Variants in DDX59 observed in about 807,000 individuals in gnomAD.
The protein encoded by DDX59 is probable ATP-dependent RNA helicase DDX59.
DDX59 carries 30 observed loss-of-function variants against 51.9 expected under a neutral mutation model. The observed-to-expected ratio is 0.58, with a 90% CI of 0.43 to 0.78. The LOEUF (loss-of-function observed/expected upper bound fraction) is 0.78. DDX59 is among the 30% of genes least tolerant of loss of function. The pLI, the probability that DDX59 is intolerant of heterozygous loss-of-function variation, is 0.00. For missense variants in DDX59, 672 were observed against 730.8 expected (o/e 0.92, Z 0.93); for synonymous variants, 255 against 253.3 (o/e 1.01, Z -0.06).
chr1:200,664,401 T>G (rs959478497), intron 2 of DDX59, among the ~76,000 whole-genome samples: 2 of 152,222 alleles, frequency 1.3e-5, no homozygotes, highest in African/African-American at 4.8e-5. Context: ...CATCCTCCCC[T>G]GAAGAGAGAA....
chr1:200,659,892 C>T (rs1316727390), intron 3 of DDX59, among the ~76,000 whole-genome samples: 1 of 152,134 alleles, frequency 6.6e-6, no homozygotes, highest in Non-Finnish European at 1.5e-5. Flanking sequence ...CTATGCTACC[C>T]AGGCTGGTCT....
In DDX59 at chr1:200,650,640, C is replaced by T; in HGVS notation, c.1099G>A (p.Val367Met). 14 of 1,613,448 alleles carry T rather than the reference C, an allele frequency of 8.7e-6. No homozygotes were observed. Among genetic ancestry groups the T allele is most frequent in the Non-Finnish European group, 1.2e-5 (14 of 1,179,602 alleles). Residue 367 changes from valine (V) to methionine (M), a missense_variant, in exon 5 of 8, where the codon GTG becomes ATG. Val to Met is a conservative substitution (Grantham distance 21). Coordinates refer to ENST00000331314, the MANE Select transcript of DDX59 (RefSeq NM_001031725.6). ...GGAATGTTTTCCAAAATGTCAAGCACTTGTTGTTGAAAACCCATCTTTAAC... is the reference window on the plus strand; with the variant it reads ...GGAATGTTTTCCAAAATGTCAAGCATTTGTTGTTGAAAACCCATCTTTAAC... ...TMLKMGFQQQ[V>M]LDILENIPND...
intron 7 of DDX59, among the ~76,000 whole-genome samples, chr1:200,647,828 G>C (rs1422790759): frequency 6.6e-6 from 1 of 151,578 alleles, no homozygotes; most frequent in Non-Finnish European, 1.5e-5. Context: ...AAAAAAATTA[G>C]CCAGGTGTGG....
chr1:200,663,492 G>T (rs1421379646), intron 3 of DDX59, among the ~76,000 whole-genome samples: 2 of 152,062 alleles, frequency 1.3e-5, no homozygotes, highest in Non-Finnish European at 2.9e-5. Context: ...TACAGACTAC[G>T]CATAACAGCA....
chr1:200,641,930 G>A (rs532437448), downstream of DDX59, among the ~76,000 whole-genome samples: 5 of 152,316 alleles, frequency 3.3e-5, no homozygotes, highest in South Asian at 1.0e-3. Flanking sequence ...TTGAACCTGG[G>A]AGGTGGAGGT....
intron 1 of DDX59, among the ~76,000 whole-genome samples, chr1:200,668,116 G>A (rs1315639707): frequency 6.6e-6 from 1 of 152,008 alleles, no homozygotes; most frequent in African/African-American, 2.4e-5. Flanking sequence ...GGCTAACACG[G>A]TGAAACCCCG....
At chr1:200,655,382 T>C (rs975381718) in intron 4 of DDX59, among the ~76,000 whole-genome samples, 7 of 152,132 alleles carry the variant, frequency 4.6e-5, no homozygotes, top group Non-Finnish European at 8.8e-5. Context: ...CCTGTCTGGA[T>C]TGCTGGCTGC....
chr1:200,665,544 C>CA (rs1662672476), intron 2 of DDX59, among the ~76,000 whole-genome samples: 1 of 151,702 alleles, frequency 6.6e-6, no homozygotes, highest in Non-Finnish European at 1.5e-5. Flanking sequence ...GTTCCAACTT[C>CA]AGTATAAATC....
At chr1:200,642,764 CATA>C (rs1391898249), downstream of DDX59, among the ~76,000 whole-genome samples, 2 of 152,202 alleles carry the variant, frequency 1.3e-5, no homozygotes, top group African/African-American at 4.8e-5. Context: ...GCTTAACTCT[CATA>C]ATAAGCCTGT....
downstream of DDX59, among the ~76,000 whole-genome samples, chr1:200,641,646 A>G (rs1661053913): frequency 6.6e-6 from 1 of 152,214 alleles, no homozygotes; most frequent in African/African-American, 2.4e-5. Context: ...AGGTGGGCGG[A>G]TCACCTGAGG....
chr1:200,665,855 T>C (rs995439142), intron 2 of DDX59, 82 bp downstream of exon 2: 17 of 1,431,900 alleles, frequency 1.2e-5, no homozygotes, highest in African/African-American at 7.2e-5. Flanking sequence ...TCTGCAATTT[T>C]AATATAGTTA....
intron 4 of DDX59, among the ~76,000 whole-genome samples, chr1:200,658,089 C>T (rs1662147768): frequency 1.3e-5 from 2 of 152,162 alleles, no homozygotes; most frequent in Admixed American, 6.5e-5. Context: ...CCATGGAAGG[C>T]AGGCTAAGAC....
At chr1:200,649,014 C>G in intron 6 of DDX59, 60 bp downstream of exon 6, 1 of 1,454,206 alleles carries the variant, frequency 6.9e-7, no homozygotes, top group Non-Finnish European at 9.1e-7. Flanking sequence ...ATGGTTATCT[C>G]TTGAAAATGA....
chr1:200,644,504 C>T lies in DDX59; in HGVS notation c.1610G>A (p.Gly537Glu). The change falls in exon 8 of 8, where the codon GGA (glycine) becomes GAA (glutamate). Residue 537 changes from glycine (G) to glutamate (E), a missense_variant. Gly to Glu is a moderately conservative substitution (Grantham distance 98). Coordinates refer to ENST00000331314, the MANE Select transcript of DDX59 (RefSeq NM_001031725.6). Reference sequence around the variant, plus strand: ...CGCTGTTCCATTTTGACCTAATCTTCCTACTCTTCCAATCTGAAATAAAAT... The same window carrying T: ...CGCTGTTCCATTTTGACCTAATCTTTCTACTCTTCCAATCTGAAATAAAAT... The part of the protein sequence containing the change: ...DEYVHQIGRV[G>E]RLGQNGTAIT... 1 of 1,580,836 alleles carries T rather than the reference C, an allele frequency of 6.3e-7. No homozygotes were observed. Among genetic ancestry groups the T allele is most frequent in the Non-Finnish European group, 8.6e-7 (1 of 1,164,916 alleles).
intron 4 of DDX59, among the ~76,000 whole-genome samples, chr1:200,655,999 T>C (rs2102883136): frequency 6.6e-6 from 1 of 152,208 alleles, no homozygotes; most frequent in South Asian, 2.1e-4. Flanking sequence ...CCCAGCTAAT[T>C]TTGTATTTTT....
At chr1:200,657,471 C>G (rs552761792) in intron 4 of DDX59, among the ~76,000 whole-genome samples, 5 of 151,860 alleles carry the variant, frequency 3.3e-5, no homozygotes, top group African/African-American at 1.2e-4. Context: ...CATTTTTGGG[C>G]GGGTGCAGTG....
intron 6 of DDX59, 91 bp downstream of exon 6, chr1:200,648,983 G>A: frequency 1.6e-6 from 2 of 1,289,264 alleles, no homozygotes; most frequent in Non-Finnish European, 2.1e-6. Context: ...AAGAGGATCT[G>A]TTATAAAAAC....
chr1:200,655,623 A>C (rs1434136832), intron 4 of DDX59, among the ~76,000 whole-genome samples: 2 of 152,190 alleles, frequency 1.3e-5, no homozygotes, highest in Non-Finnish European at 2.9e-5. Context: ...GCACACATGC[A>C]CTTGGACTTT....
At chr1:200,668,250 G>A (rs1662915654) in intron 1 of DDX59, among the ~76,000 whole-genome samples, 1 of 151,774 alleles carries the variant, frequency 6.6e-6, no homozygotes, top group African/African-American at 2.4e-5. Flanking sequence ...GGAGCTTGCA[G>A]TGAGCCCAGA....
Sources: allele counts gnomAD v4.1 joint callset (sites outside exome capture counted in the v4.1 genomes callset), GRCh38; gene constraint gnomAD v4.1.1; transcripts MANE v1.5; gene names NCBI Gene and HGNC (gene_info 2026-07-23, HGNC 2026-07-21).